The following ETHE1 variants were observed in gnomAD, a reference collection of about 807,000 sequenced individuals.
ETHE1 encodes the protein persulfide dioxygenase ETHE1, mitochondrial.
Under a neutral mutation model 25.7 loss-of-function variants are expected in ETHE1, and 16 were observed. That is an observed-to-expected ratio of 0.62 (90% CI 0.42 to 0.95). The LOEUF (loss-of-function observed/expected upper bound fraction) is 0.95, where lower values mean the gene tolerates loss of function less well. Among genes scored for constraint, ETHE1 ranks in the 40% least tolerant of loss-of-function variants. The probability of loss-of-function intolerance (pLI) is 0.00; values close to 1 mark genes in which losing one functional copy is unlikely to be tolerated. For synonymous variants in ETHE1, 139 were observed against 135.9 expected (o/e 1.02, Z -0.16); for missense variants, 300 against 333.6 (o/e 0.90, Z 0.79).
At chr19:43,522,939 T>C (rs911949977) in intron 3 of ETHE1, among the ~76,000 whole-genome samples, 1 of 152,126 alleles carries the variant, frequency 6.6e-6, no homozygotes, top group African/African-American at 2.4e-5. Flanking sequence ...ATCTGGTCCT[T>C]CACAGAAAAA....
intron 3 of ETHE1, among the ~76,000 whole-genome samples, chr19:43,524,128 G>C (rs920414644): frequency 6.6e-6 from 1 of 151,678 alleles, no homozygotes; most frequent in Non-Finnish European, 1.5e-5. Flanking sequence ...CCAGCTACTC[G>C]GGAGGCTGAG....
chr19:43,514,863 T>C (rs1182773275), intron 3 of ETHE1, among the ~76,000 whole-genome samples: 1 of 152,050 alleles, frequency 6.6e-6, no homozygotes, highest in Non-Finnish European at 1.5e-5. Context: ...AAGTGATAAA[T>C]CATTAAGGAA....
chr19:43,515,188 G>A (rs901169627), intron 3 of ETHE1, among the ~76,000 whole-genome samples: 29 of 151,946 alleles, frequency 1.9e-4, no homozygotes, highest in Admixed American at 3.9e-4. Context: ...AGGCCGAGGC[G>A]GGCAAATCAC....
At chr19:43,524,100 T>C (rs931016806) in intron 3 of ETHE1, among the ~76,000 whole-genome samples, 3 of 151,988 alleles carry the variant, frequency 2.0e-5, no homozygotes, top group Non-Finnish European at 4.4e-5. Flanking sequence ...CTAGGCATGG[T>C]GGCGCATGCC....
chr19:43,517,550 G>A (rs2145996908), intron 3 of ETHE1, among the ~76,000 whole-genome samples: 1 of 151,298 alleles, frequency 6.6e-6, no homozygotes, highest in South Asian at 2.1e-4. Flanking sequence ...GCCAAGGCAG[G>A]TGGATGACCT....
At position 43,508,346 on chromosome 19, in the gene ETHE1, C is replaced by CTTTTTTTTTTT. The variant is rs397933393; in HGVS notation, c.596-297_596-287dup. Among the ~76,000 whole-genome samples, 2 of 124,708 alleles carry CTTTTTTTTTTT rather than the reference C, an allele frequency of 1.6e-5. 1 individual carries two copies. Among genetic ancestry groups the CTTTTTTTTTTT allele is most frequent in the Non-Finnish European group, 3.2e-5 (2 of 61,606 alleles). 81.8% of individuals were successfully genotyped at this position (124,708 alleles called of 152,430 possible). A position where few individuals can be genotyped will look rare whatever the true frequency, so the allele number is the denominator to read the frequency against. ...CACAGCAGGCTCAAGCACTTTATCT[C>CTTTTTTTTTTT]TTTTTTTTTTTTTTTTTTTGAGACA... On this transcript the variant is annotated intron_variant, in intron 5 of 6. Transcript: ENST00000292147.
rs1480381387 is a variant in ETHE1, at chr19:43,526,627, G to A, written c.114C>T (p.Tyr38=). The A allele has an allele frequency of 3.1e-6, 5 of 1,614,078 alleles. No individual in the cohort carries two copies. Among genetic ancestry groups the A allele is most frequent in the East Asian group, 2.2e-5 (1 of 44,882 alleles). ...CCCGGGACTCTCTGTCACCCAGCAG[G>A]TACGTGAAGGTGCAGCTCACAGGCT... ...MFEPVSCTFT[Y]LLGDRESREA... The change falls in exon 2 of 7, where the codon TAC becomes TAT. Residue 38 remains tyrosine, a synonymous_variant. Coordinates refer to ENST00000292147, the MANE Select transcript of ETHE1 (RefSeq NM_014297.5).
At chr19:43,513,209 A>T (rs1481346801) in intron 3 of ETHE1, among the ~76,000 whole-genome samples, 13 of 152,132 alleles carry the variant, frequency 8.5e-5, no homozygotes, top group Non-Finnish European at 1.5e-5. Context: ...CTCTGCTAGG[A>T]CAGTGCAGAA....
chr19:43,519,650 A>C (rs1048370938), intron 3 of ETHE1, among the ~76,000 whole-genome samples: 1 of 152,134 alleles, frequency 6.6e-6, no homozygotes, highest in Non-Finnish European at 1.5e-5. Flanking sequence ...CTGGCCTTGG[A>C]GTTCCCACGG....
At chr19:43,525,908 T>C (rs536936014) in intron 3 of ETHE1, 4 of 479,226 alleles carry the variant, frequency 8.3e-6, no homozygotes, top group East Asian at 8.1e-5. Flanking sequence ...TCAACTTTTA[T>C]GGAGATGCAT....
rs1375463727 is a variant in ETHE1 at position 43,511,658 on chromosome 19, CTAGA to C, written c.376-96_376-93del. The C allele has an allele frequency of 2.8e-6, 4 of 1,424,768 alleles. No homozygotes were observed. The African/African-American group carries it at 4.3e-5, about 15-fold the overall frequency. The allele number at this position is 1,424,768 out of a possible 1,614,324, so 88.3% of individuals were successfully genotyped here. A position where few individuals can be genotyped will look rare whatever the true frequency, so the allele number is the denominator to read the frequency against. ...GCCCCACCCTACCCCAGGGTCTTAT[CTAGA>C]TAAACATTTTGGTAAAAAATGTAGA... On this transcript the variant is annotated intron_variant, in intron 3 of 6. Coordinates refer to ENST00000292147, the MANE Select transcript of ETHE1 (RefSeq NM_014297.5).
At chr19:43,519,841 T>C (rs1411497581) in intron 3 of ETHE1, among the ~76,000 whole-genome samples, 5 of 152,192 alleles carry the variant, frequency 3.3e-5, no homozygotes, top group African/African-American at 1.2e-4. Flanking sequence ...CTATGCTTTT[T>C]CCTATACATA....
chr19:43,513,342 C>T (rs1971956168), intron 3 of ETHE1, among the ~76,000 whole-genome samples: 1 of 152,058 alleles, frequency 6.6e-6, no homozygotes, highest in South Asian at 2.1e-4. Context: ...AGAGCTTGCA[C>T]CATGTGCCTG....
At chr19:43,515,855 C>A (rs988127002) in intron 3 of ETHE1, among the ~76,000 whole-genome samples, 3 of 152,056 alleles carry the variant, frequency 2.0e-5, no homozygotes, top group African/African-American at 7.2e-5. Flanking sequence ...GGATTACAGG[C>A]GTGAGCCACC....
intron 4 of ETHE1, among the ~76,000 whole-genome samples, chr19:43,511,064 G>A (rs555720061): frequency 9.2e-5 from 14 of 151,942 alleles, no homozygotes; most frequent in African/African-American, 2.4e-4. Context: ...ACTATCTTCC[G>A]TCTCTCCCAG....
chr19:43,524,349 C>T (rs1686638666), intron 3 of ETHE1, among the ~76,000 whole-genome samples: 1 of 148,028 alleles, frequency 6.8e-6, no homozygotes, highest in African/African-American at 2.5e-5. Context: ...CGCACCACTG[C>T]ACTCTAGCTT....
rs112699142 is a variant in ETHE1 at position 43,514,358 on chromosome 19, C to T, written c.376-2792G>A. Among the ~76,000 whole-genome samples, 4 of 152,032 alleles carry T rather than the reference C, an allele frequency of 2.6e-5. No homozygotes were observed. The South Asian group carries it at 6.2e-4, about 24-fold the overall frequency. On this transcript the variant is annotated intron_variant, in intron 3 of 6. Transcript: ENST00000292147. ...CCCCTGCACACACTTTCTTGCCTGT[C>T]GCCATGTAAGCCATGCCTTCACTCC...
intron 3 of ETHE1, among the ~76,000 whole-genome samples, chr19:43,519,010 T>A (rs1369361569): frequency 1.7e-5 from 1 of 57,844 alleles, no homozygotes; most frequent in East Asian, 4.8e-4. Context: ...TTTTTTTTTT[T>A]TTTTTTTTTT....
Position 43,526,338 on chromosome 19 carries a change from A to C in ETHE1, c.238T>G (p.Cys80Gly), listed in dbSNP as rs1179842138. 1 of 1,614,028 alleles carries C rather than the reference A, an allele frequency of 6.2e-7. No individual in the cohort carries two copies. The highest frequency in any genetic ancestry group is 1.3e-5 in the African/African-American group (1 of 74,920). ...LRLLYAVNTH[C>G]HADHITGSGL... ...GAGCCTGTAATGTGGTCCGCGTGGC[A>C]GTGGGTATTCACTGGGAGAGAGAGG... is the stretch of plus-strand genomic sequence containing the variant. The change falls in exon 3 of 7, where the codon TGC becomes GGC. Residue 80 changes from cysteine to glycine, a missense_variant. By Grantham distance (159) the Cys-to-Gly change is radical. Transcript: ENST00000292147.
Sources: allele counts gnomAD v4.1 joint callset (sites outside exome capture counted in the v4.1 genomes callset), GRCh38; gene constraint gnomAD v4.1.1; transcripts MANE v1.5; gene names NCBI Gene and HGNC (gene_info 2026-07-23, HGNC 2026-07-21).